Variants in TMEM232 observed in about 807,000 individuals in gnomAD.
TMEM232 encodes transmembrane protein 232.
In TMEM232, 80 loss-of-function variants were observed where a neutral mutation model predicts 78.8. That is an observed-to-expected ratio of 1.01 (90% CI 0.85 to 1.22). The LOEUF (loss-of-function observed/expected upper bound fraction) is 1.22. TMEM232 is among the 50% of genes most tolerant of loss of function. The probability of loss-of-function intolerance (pLI) is 0.00; values close to 1 mark genes in which losing one functional copy is unlikely to be tolerated. For synonymous variants in TMEM232, 297 were observed against 254.3 expected, an observed-to-expected ratio of 1.17 and a Z score of -1.60; for missense variants, 881 against 742.2, an observed-to-expected ratio of 1.19 and a Z score of -2.17.
intron 10 of TMEM232, among the ~76,000 whole-genome samples, chr5:110,592,327 T>C (rs1171507434): frequency 6.6e-6 from 1 of 152,158 alleles, no homozygotes; most frequent in Admixed American, 6.5e-5. Flanking sequence ...TGTTATCAAC[T>C]TATTTCAATC....
At chr5:110,660,615 T>G (rs1207948344) in intron 2 of TMEM232, among the ~76,000 whole-genome samples, 1 of 152,124 alleles carries the variant, frequency 6.6e-6, no homozygotes, top group Non-Finnish European at 1.5e-5. Context: ...GAATACCAGA[T>G]AGTTTGACAA....
chr5:110,477,254 T>C (rs893374622), intron 12 of TMEM232, among the ~76,000 whole-genome samples: 3 of 151,980 alleles, frequency 2.0e-5, no homozygotes, highest in African/African-American at 7.2e-5. Context: ...CCGTAGATGG[T>C]TGCACTTCCA....
rs544986717 is a variant in TMEM232, at chr5:110,598,445, C to T, written c.1276+6664G>A. Reference sequence around the variant, plus strand: ...AAACTAGTTCAACCATTGTGGAAGTCAGTGTGGCGATTCCTCAGGGATCTA... The same window carrying T: ...AAACTAGTTCAACCATTGTGGAAGTTAGTGTGGCGATTCCTCAGGGATCTA... On this transcript the variant is annotated intron_variant, in intron 10 of 13. Coordinates refer to ENST00000455884, the MANE Select transcript of TMEM232 (RefSeq NM_001039763.4). 1.8e-3 allele frequency among the ~76,000 whole-genome samples: 269 copies of T among 152,226 alleles called. 2 individuals carry two copies. Among genetic ancestry groups the T allele is most frequent in the African/African-American group, 6.2e-3 (256 of 41,552 alleles).
chr5:110,458,940 AT>A (rs1213907352), intron 12 of TMEM232, among the ~76,000 whole-genome samples: 3 of 152,066 alleles, frequency 2.0e-5, no homozygotes, highest in African/African-American at 4.8e-5. Flanking sequence ...CTACTGAGTT[AT>A]TTTTTTCTTC....
Position 110,605,235 on chromosome 5 carries a change from C to A in TMEM232, c.1150G>T (p.Gly384Cys). The A allele has an allele frequency of 6.4e-7, 1 of 1,550,976 alleles. No individual in the cohort carries two copies. Among genetic ancestry groups the A allele is most frequent in the Non-Finnish European group, 8.7e-7 (1 of 1,146,656 alleles). The change falls in exon 10 of 14, where the codon GGT (glycine) becomes TGT (cysteine). Residue 384 changes from glycine (G) to cysteine (C), a missense_variant. Transcript: ENST00000455884. Reference sequence around the variant, plus strand: ...TGTGAACTTTTACAGTGACAGAAACCAATTAAAGCAGTTTTTCGCAAATCA... The same window carrying A: ...TGTGAACTTTTACAGTGACAGAAACAAATTAAAGCAGTTTTTCGCAAATCA... ...TSDLRKTALI[G>C]FCHCKSSQKN...
chr5:110,442,283 C>A (rs769596699), intron 12 of TMEM232, among the ~76,000 whole-genome samples: 1 of 152,014 alleles, frequency 6.6e-6, no homozygotes, highest in Admixed American at 6.6e-5. Flanking sequence ...TTTTCTACAT[C>A]TTGTAGGTAG....
chr5:110,708,267 G>T (rs555284930), intron 1 of TMEM232, among the ~76,000 whole-genome samples: 1 of 152,212 alleles, frequency 6.6e-6, no homozygotes, highest in East Asian at 1.9e-4. Flanking sequence ...GTATGAAGAA[G>T]AAAAAAGACT....
At chr5:110,567,657 G>C (rs1251575598) in intron 11 of TMEM232, among the ~76,000 whole-genome samples, 1 of 151,872 alleles carries the variant, frequency 6.6e-6, no homozygotes, top group Non-Finnish European at 1.5e-5. Flanking sequence ...GAGTCTTGGA[G>C]CTAGTGGGTA....
intron 12 of TMEM232, among the ~76,000 whole-genome samples, chr5:110,528,226 A>C (rs1403459795): frequency 6.6e-6 from 1 of 151,976 alleles, no homozygotes; most frequent in Non-Finnish European, 1.5e-5. Context: ...CAAGACTCTA[A>C]CTTAGATATG....
At chr5:110,587,359 TG>T (rs1466056299) in intron 10 of TMEM232, among the ~76,000 whole-genome samples, 1 of 152,062 alleles carries the variant, frequency 6.6e-6, no homozygotes, top group Non-Finnish European at 1.5e-5. Context: ...ATATGATATT[TG>T]CTATGTTATC....
At chr5:110,590,209 G>GAA (rs1290075205) in intron 10 of TMEM232, among the ~76,000 whole-genome samples, 3 of 152,124 alleles carry the variant, frequency 2.0e-5, no homozygotes, top group African/African-American at 7.2e-5. Context: ...TTGACTCTGT[G>GAA]AAAAGCTTGT....
Position 110,556,359 on chromosome 5 carries a change from C to CCTTCCCTTCCCCTT in TMEM232, c.1455+12087_1455+12088insAAGGGGAAGGGAAG, listed in dbSNP as rs749422538. 5.2e-3 allele frequency among the ~76,000 whole-genome samples: 711 copies of CCTTCCCTTCCCCTT among 136,334 alleles called. 2 individuals carry two copies. The highest frequency in any genetic ancestry group is 7.9e-3 in the Non-Finnish European group (508 of 64,118). The allele number at this position is 136,334 out of a possible 152,430, so 89.4% of individuals were successfully genotyped here. A position where few individuals can be genotyped will look rare whatever the true frequency, so the allele number is the denominator to read the frequency against. Reference sequence around the variant, plus strand: ...TTCCTTCCTCCCTTCCCTTCCCTTCCCCTTCCTTCCTTCCTTCCTTTCTTT... The same window carrying CCTTCCCTTCCCCTT: ...TTCCTTCCTCCCTTCCCTTCCCTTCCCTTCCCTTCCCCTTCCTTCCTTCCTTCCTTCCTTTCTTT... On this transcript the variant is annotated intron_variant, in intron 11 of 13. Coordinates refer to ENST00000455884, the MANE Select transcript of TMEM232 (RefSeq NM_001039763.4).
intron 2 of TMEM232, among the ~76,000 whole-genome samples, chr5:110,643,649 GA>G (rs1474088482): frequency 6.6e-6 from 1 of 151,944 alleles, no homozygotes; most frequent in Non-Finnish European, 1.5e-5. Flanking sequence ...AGAATAATCT[GA>G]AAAAATAAAA....
chr5:110,688,400 G>A (rs1793690254), intron 1 of TMEM232, among the ~76,000 whole-genome samples: 1 of 152,120 alleles, frequency 6.6e-6, no homozygotes, highest in African/African-American at 2.4e-5. Flanking sequence ...AAAATTCTTG[G>A]GATTGTGGAG....
At chr5:110,651,317 A>G (rs927100629) in intron 2 of TMEM232, among the ~76,000 whole-genome samples, 1 of 152,106 alleles carries the variant, frequency 6.6e-6, no homozygotes, top group Non-Finnish European at 1.5e-5. Context: ...ACTTTGCACA[A>G]GGCAGTCAGG....
intron 12 of TMEM232, among the ~76,000 whole-genome samples, chr5:110,508,116 A>G (rs1324133005): frequency 6.6e-6 from 1 of 152,132 alleles, no homozygotes; most frequent in Non-Finnish European, 1.5e-5. Context: ...GAAGGAAAAA[A>G]AACCCCAAGG....
chr5:110,627,800 C>A lies in TMEM232; in HGVS notation c.582G>T (p.Arg194Ser). The A allele has an allele frequency of 6.6e-7, 1 of 1,523,250 alleles. No homozygotes were observed. Among genetic ancestry groups the A allele is most frequent in the Non-Finnish European group, 8.8e-7 (1 of 1,135,818 alleles). 94.4% of individuals were successfully genotyped at this position (1,523,250 alleles called of 1,614,324 possible). A position where few individuals can be genotyped will look rare whatever the true frequency, so the allele number is the denominator to read the frequency against. Reference sequence around the variant, plus strand: ...TTCTACCGTATAAATATGGTTGAAGCCTAAGTAAATGTTGTTTAAAACTTT... The same window carrying A: ...TTCTACCGTATAAATATGGTTGAAGACTAAGTAAATGTTGTTTAAAACTTT... ...HLESFKQHLL[R>S]LQPYLYALSF... The change falls in exon 6 of 14, where the codon AGG becomes AGT. Residue 194 changes from arginine to serine, a missense_variant. Coordinates refer to ENST00000455884, the MANE Select transcript of TMEM232 (RefSeq NM_001039763.4).
At chr5:110,682,324 T>C (rs1792855728) in intron 1 of TMEM232, among the ~76,000 whole-genome samples, 1 of 152,166 alleles carries the variant, frequency 6.6e-6, no homozygotes, top group Non-Finnish European at 1.5e-5. Context: ...ATGATCTGAA[T>C]GATTGAATTG....
intron 12 of TMEM232, among the ~76,000 whole-genome samples, chr5:110,459,279 C>T (rs1160023725): frequency 6.6e-6 from 1 of 152,092 alleles, no homozygotes; most frequent in African/African-American, 2.4e-5. Flanking sequence ...TGGACAAACT[C>T]TTATTTGAAC....
Sources: allele counts gnomAD v4.1 joint callset (sites outside exome capture counted in the v4.1 genomes callset), GRCh38; gene constraint gnomAD v4.1.1; transcripts MANE v1.5; gene names NCBI Gene and HGNC (gene_info 2026-07-23, HGNC 2026-07-21).